Variants in MGAT4B observed in about 807,000 individuals in gnomAD.
The protein encoded by MGAT4B is alpha-1,3-mannosyl-glycoprotein 4-beta-N-acetylglucosaminyltransferase B, also known as N-acetylglucosaminyltransferase IVb.
A neutral mutation model predicts 73.9 loss-of-function variants in MGAT4B; 38 were observed. The ratio of observed to expected loss-of-function variants is 0.51; its 90% confidence interval spans 0.40 to 0.67. MGAT4B has a LOEUF of 0.67. MGAT4B is among the 30% of genes least tolerant of loss of function. The probability of loss-of-function intolerance (pLI) is 0.00; values close to 1 mark genes in which losing one functional copy is unlikely to be tolerated. For synonymous variants in MGAT4B, 373 were observed against 313.5 expected (o/e 1.19, Z -2.01); for missense variants, 686 against 735.2 (o/e 0.93, Z 0.77).
At position 179,799,642 on chromosome 5, in the gene MGAT4B, G is replaced by A. The variant is rs779677415; in HGVS notation, c.911-6C>T. 33 of 1,613,392 alleles carry A rather than the reference G, an allele frequency of 2.0e-5. No individual in the cohort carries two copies. The highest frequency in any genetic ancestry group is 2.5e-5 in the Non-Finnish European group (30 of 1,180,020). On this transcript the variant is annotated splice_region_variant and splice_polypyrimidine_tract_variant and intron_variant, in intron 8 of 14. Transcript: ENST00000292591. ...CAGCGACTTGAACATCTTACCTGGT[G>A]GGGAGGGGCCTGAGTGGGCAGTGCT...
At position 179,806,295 on chromosome 5, in the gene MGAT4B, G is replaced by A. The variant is rs1001480403; in HGVS notation, c.97+192C>T. On this transcript the variant is annotated intron_variant, in intron 1 of 14. Coordinates refer to ENST00000292591, the MANE Select transcript of MGAT4B (RefSeq NM_014275.5). The surrounding 1 kb of genome is among the most constrained non-coding windows in gnomAD (Gnocchi z 4.6). ...TCCGGAGCACCCACGGGCGCGGCCC[G>A]GGCCCGAGGAGAACGCCGCGGCTCC... 5.1e-4 allele frequency: 98 copies of A among 192,786 alleles called. No individual in the cohort carries two copies. The highest frequency in any genetic ancestry group is 8.6e-4 in the Admixed American group (14 of 16,204). 11.9% of individuals were successfully genotyped at this position (192,786 alleles called of 1,614,324 possible).
chr5:179,799,156 G>T (rs1348123102), intron 10 of MGAT4B, 35 bp from the exon 11 acceptor site: 1 of 1,613,810 alleles, frequency 6.2e-7, no homozygotes, highest in Non-Finnish European at 8.5e-7. Context: ...GATGGCGTGG[G>T]CCCCGACCTT....
In MGAT4B at chr5:179,806,336, G is replaced by A. The variant is rs1404376809; in HGVS notation, c.97+151C>T. ...CCGCGGCTCCAGCAGCAAACAAGTG[G>A]GGGAGGGTGGGAGGGGCGTCCTCGC... On this transcript the variant is annotated intron_variant, in intron 1 of 14. Transcript: ENST00000292591. This position sits in a 1 kb window ranked among gnomAD's most constrained non-coding sequence, Gnocchi z 4.6. 2.4e-5 allele frequency: 6 copies of A among 249,352 alleles called. No homozygotes were observed. The highest frequency in any genetic ancestry group is 1.2e-4 in the African/African-American group (5 of 43,082). 15.4% of individuals were successfully genotyped at this position (249,352 alleles called of 1,614,324 possible). A position where few individuals can be genotyped will look rare whatever the true frequency, so the allele number is the denominator to read the frequency against.
intron 1 of MGAT4B, among the ~76,000 whole-genome samples, chr5:179,805,729 A>T (rs1022242270): frequency 6.6e-6 from 1 of 152,214 alleles, no homozygotes; most frequent in African/African-American, 2.4e-5. Context: ...GCAGGCAGGC[A>T]GGAGGCCACT....
At chr5:179,804,886 C>T (rs1003213597) in intron 1 of MGAT4B, 1 of 152,238 alleles carries the variant, frequency 6.6e-6, no homozygotes, top group Non-Finnish European at 1.5e-5. Context: ...TGGGTCACCA[C>T]AGAAACAGTG....
Position 179,801,369 on chromosome 5 carries a change from T to C in MGAT4B, c.523A>G (p.Lys175Glu), listed in dbSNP as rs113104761. Reference protein sequence around the residue: ...SLISELSPQEKEDSVIVVLIA... With the variant: ...SLISELSPQEEEDSVIVVLIA... Reference sequence around the variant, plus strand: ...AGCACCACGATGACCGAGTCCTCCTTCTCCTGCGGGCTCAGCTCGGAGATG... The same window carrying C: ...AGCACCACGATGACCGAGTCCTCCTCCTCCTGCGGGCTCAGCTCGGAGATG... The change falls in exon 4 of 15, where the codon AAG (lysine) becomes GAG (glutamate). Residue 175 changes from lysine to glutamate, a missense_variant. Coordinates refer to ENST00000292591, the MANE Select transcript of MGAT4B (RefSeq NM_014275.5). This position sits in a 1 kb window ranked among gnomAD's most constrained non-coding sequence, Gnocchi z 4.8. 218 of 1,612,162 alleles carry C rather than the reference T, an allele frequency of 1.4e-4. No homozygotes were observed. The highest frequency in any genetic ancestry group is 9.4e-4 in the East Asian group (42 of 44,808).
intron 14 of MGAT4B, 36 bp from the exon 15 acceptor site, chr5:179,798,104 G>A (rs771882220): frequency 1.1e-5 from 18 of 1,605,290 alleles, no homozygotes; most frequent in Non-Finnish European, 1.5e-5. Context: ...CAGGGCCTCT[G>A]AGCTCCGCCA....
chr5:179,801,639 G>A lies in MGAT4B; in HGVS notation c.339C>T (p.Pro113=), dbSNP rs763595411. The part of the protein sequence containing the change: ...NGSHRHVLHL[P]TVFHHLPHLL... ...GGTGTGGCAGGTGATGGAAGACGGT[G>A]GGCAGGTGCAGCACGTGCCGGTGTG... The change falls in exon 3 of 15, where the codon CCC becomes CCT. Residue 113 remains proline, a synonymous_variant. Transcript: ENST00000292591. This position sits in a 1 kb window ranked among gnomAD's most constrained non-coding sequence, Gnocchi z 4.8. 58 of 1,606,192 alleles carry A rather than the reference G, an allele frequency of 3.6e-5. No homozygotes were observed. In the Admixed American group the frequency reaches 5.6e-4, roughly 16 times the overall value.
At chr5:179,798,492 C>G in intron 12 of MGAT4B, 21 bp downstream of exon 12, 12 of 1,613,408 alleles carry the variant, frequency 7.4e-6, no homozygotes, top group Non-Finnish European at 1.0e-5. Flanking sequence ...CTTCAGTGCA[C>G]ACCACACCCA....
At position 179,798,970 on chromosome 5, in the gene MGAT4B, T is replaced by TC; in HGVS notation, c.1300dup (p.Asp434GlyfsTer129). ...TTGGAAGAAGCGGAAGCGGATGAAG[T>TC]CCCCCGCGGCAGGGGTGAAGGCCCA... On this transcript the variant is annotated frameshift_variant, in exon 11 of 15. Transcript: ENST00000292591. LOFTEE classifies it high-confidence loss of function. The TC allele has an allele frequency of 6.2e-7, 1 of 1,613,608 alleles. No individual in the cohort carries two copies. The highest frequency in any genetic ancestry group is 8.5e-7 in the Non-Finnish European group (1 of 1,180,016).
rs1465964678 is a variant in MGAT4B, at chr5:179,800,275, G to A, written c.720-16C>T. 1.2e-6 allele frequency: 2 copies of A among 1,613,042 alleles called. No individual in the cohort carries two copies. ...GGTCCTCCACCTGTGGGCCGGGGCG[G>A]GGCCTCAGAAGTTCAGACCCCTCCA... On this transcript the variant is annotated splice_polypyrimidine_tract_variant and intron_variant, in intron 6 of 14. Transcript: ENST00000292591.
rs1319629598 is a variant in MGAT4B, at chr5:179,801,621, C to G, written c.357G>C (p.Leu119=). Reference sequence around the variant, plus strand: ...TGCTCTCCTTGGCCAGCAGGTGTGGCAGGTGATGGAAGACGGTGGGCAGGT... The same window carrying G: ...TGCTCTCCTTGGCCAGCAGGTGTGGGAGGTGATGGAAGACGGTGGGCAGGT... ...VLHLPTVFHH[L]PHLLAKESSL... is the part of the protein sequence containing the mutation. Residue 119 remains leucine (L), a synonymous_variant, in exon 3 of 15, where the codon CTG becomes CTC. Transcript: ENST00000292591. This position sits in a 1 kb window ranked among gnomAD's most constrained non-coding sequence, Gnocchi z 4.8. 6.2e-7 allele frequency: 1 copy of G among 1,606,832 alleles called. No individual in the cohort carries two copies. The highest frequency in any genetic ancestry group is 2.2e-5 in the East Asian group (1 of 44,588).
intron 6 of MGAT4B, 65 bp downstream of exon 6, chr5:179,800,419 C>T: frequency 7.0e-7 from 1 of 1,421,166 alleles, no homozygotes; most frequent in Non-Finnish European, 9.8e-7. Flanking sequence ...TGGACTCAAA[C>T]ACCAGTAGAT....
Position 179,799,942 on chromosome 5 carries a change from G to A in MGAT4B, c.910+12C>T, listed in dbSNP as rs1378200325. ...GACTGAAAGGCACCGTCAGGTAAGG[G>A]GAGGGGCACACCAATGAAGCCCAGC... On this transcript the variant is annotated intron_variant, in intron 8 of 14. Coordinates refer to ENST00000292591, the MANE Select transcript of MGAT4B (RefSeq NM_014275.5). The A allele has an allele frequency of 6.2e-7, 1 of 1,601,726 alleles. No homozygotes were observed. The highest frequency in any genetic ancestry group is 8.6e-7 in the Non-Finnish European group (1 of 1,169,122).
chr5:179,802,112 A>G (rs1051983129), intron 1 of MGAT4B, 143 bp from the exon 2 acceptor site: 1 of 1,542,444 alleles, frequency 6.5e-7, no homozygotes, highest in Non-Finnish European at 8.7e-7. Context: ...CACGTGACAT[A>G]GCTGGGGTCA....
In MGAT4B at chr5:179,803,097, G is replaced by A. The variant is rs754583908; in HGVS notation, c.98-1128C>T. 3.2e-5 allele frequency: 32 copies of A among 985,404 alleles called. No homozygotes were observed. The East Asian group carries it at 4.5e-4, about 14-fold the overall frequency. 61.0% of individuals were successfully genotyped at this position (985,404 alleles called of 1,614,324 possible). On this transcript the variant is annotated intron_variant, in intron 1 of 14. Transcript: ENST00000292591. ...CTCAGGGCACACCCCTTTCCGAAAC[G>A]GGCAGGAGGTCGAAGTGCCAAGTGA... is the stretch of plus-strand genomic sequence containing the variant.
chr5:179,799,408 G>A (rs948627481), intron 9 of MGAT4B, 98 bp from the exon 10 acceptor site: 1 of 1,605,816 alleles, frequency 6.2e-7, no homozygotes, highest in African/African-American at 1.3e-5. Flanking sequence ...AGCTGACAGT[G>A]CTCTATGTGA....
intron 1 of MGAT4B, chr5:179,802,225 G>A (rs1185625304): frequency 1.4e-6 from 2 of 1,449,050 alleles, no homozygotes; most frequent in African/African-American, 1.4e-5. Context: ...CCTCTGAGAA[G>A]GCATCTGAAG....
intron 8 of MGAT4B, 65 bp from the exon 9 acceptor site, chr5:179,799,701 C>T: frequency 6.2e-7 from 1 of 1,605,262 alleles, no homozygotes; most frequent in Non-Finnish European, 8.5e-7. Context: ...TGCAGCGGCC[C>T]CCGAGTCCCA....
Sources: allele counts gnomAD v4.1 joint callset (sites outside exome capture counted in the v4.1 genomes callset), GRCh38; gene constraint gnomAD v4.1.1; non-coding constraint Gnocchi (gnomAD v3.1); transcripts MANE v1.5; gene names NCBI Gene and HGNC (gene_info 2026-07-23, HGNC 2026-07-21).